Variants in CRACR2A observed in about 807,000 individuals in gnomAD.
CRACR2A encodes calcium release activated channel regulator 2A.
CRACR2A carries 79 observed loss-of-function variants against 90.5 expected under a neutral mutation model. That is an observed-to-expected ratio of 0.87 (90% CI 0.73 to 1.05). The LOEUF is 1.05. CRACR2A is among the 50% of genes least tolerant of loss of function. The probability of loss-of-function intolerance (pLI) is 0.00; values close to 1 mark genes in which losing one functional copy is unlikely to be tolerated. For synonymous variants in CRACR2A, 338 were observed against 356.7 expected, an observed-to-expected ratio of 0.95 and a Z score of 0.59; for missense variants, 823 against 897.2, an observed-to-expected ratio of 0.92 and a Z score of 1.06.
chr12:3,640,475 A>ATG (rs1944544465), intron 13 of CRACR2A: 1 of 1,166,406 alleles, frequency 8.6e-7, no homozygotes, highest in African/African-American at 1.6e-5. Flanking sequence ...ACTCAAAAGA[A>ATG]TGTCTGGTAC....
intron 2 of CRACR2A, chr12:3,729,022 A>G (rs904738951): frequency 2.5e-4 from 38 of 152,232 alleles, no homozygotes; most frequent in African/African-American, 8.2e-4. Flanking sequence ...ACACAACCCA[A>G]CGCATCCATG....
Position 3,627,456 on chromosome 12 carries a change from G to T in CRACR2A, c.1912C>A (p.Arg638=), listed in dbSNP as rs745880894. The T allele has an allele frequency of 5.8e-6, 9 of 1,551,802 alleles. No homozygotes were observed. Among genetic ancestry groups the T allele is most frequent in the African/African-American group, 2.7e-5 (2 of 73,066 alleles). The change falls in exon 17 of 20, where the codon CGG becomes AGG. Residue 638 remains arginine (R), a synonymous_variant. Transcript: ENST00000440314. ...TDKQSFLSVR[R]WLSSVEEAVG... ...CTCACCTCCACGCTGCTCAGCCACC[G>T]CCGGACCGACAGGAACGACTGCTTG...
chr12:3,654,826 C>A (rs1351296855), intron 9 of CRACR2A, among the ~76,000 whole-genome samples: 3 of 152,200 alleles, frequency 2.0e-5, no homozygotes, highest in Admixed American at 2.0e-4. Context: ...CCATCCTTCC[C>A]AATTTTGCAC....
chr12:3,722,878 G>A (rs1319180433), intron 2 of CRACR2A, among the ~76,000 whole-genome samples: 1 of 152,168 alleles, frequency 6.6e-6, no homozygotes, highest in East Asian at 1.9e-4. Context: ...AATCAGAAAT[G>A]CTTTCTCATC....
intron 7 of CRACR2A, among the ~76,000 whole-genome samples, chr12:3,669,708 C>G (rs944014904): frequency 6.6e-6 from 1 of 152,166 alleles, no homozygotes; most frequent in African/African-American, 2.4e-5. Context: ...GAGGGCTTGC[C>G]TAGCACTCAG....
intron 6 of CRACR2A, among the ~76,000 whole-genome samples, chr12:3,676,739 A>G (rs982257939): frequency 1.0e-4 from 11 of 108,630 alleles, no homozygotes; most frequent in African/African-American, 4.1e-4. Flanking sequence ...AAAGTACCAC[A>G]TCTATGGCAG....
chr12:3,743,933 G>A (rs1318557862), intron 1 of CRACR2A, among the ~76,000 whole-genome samples: 2 of 152,218 alleles, frequency 1.3e-5, no homozygotes, highest in African/African-American at 4.8e-5. Context: ...TGTGTCAGAT[G>A]CCAGAAAGAA....
chr12:3,696,665 G>T, intron 4 of CRACR2A, 107 bp downstream of exon 4: 1 of 1,479,998 alleles, frequency 6.8e-7, no homozygotes, highest in Non-Finnish European at 9.2e-7. Flanking sequence ...CAGAACTGGT[G>T]GCATCTTTTC....
intron 9 of CRACR2A, among the ~76,000 whole-genome samples, chr12:3,655,508 T>C (rs76490123): frequency 0.063 from 9,631 of 152,304 alleles, 392 homozygotes; most frequent in Middle Eastern, 0.099. Context: ...GGAAGCAATG[T>C]GTCTTGGTCT....
rs528339995 is a variant in CRACR2A at position 3,633,263 on chromosome 12, G to A, written c.1735+341C>T. On this transcript the variant is annotated intron_variant, in intron 15 of 19. Transcript: ENST00000440314. This position sits in a 1 kb window ranked among gnomAD's most constrained non-coding sequence, Gnocchi z 4.5. Reference sequence around the variant, plus strand: ...GAAGACCCAGGACCCTGCTGACAGTGGGGAGGAGTGGTCAAAAGGAGGGGG... The same window carrying A: ...GAAGACCCAGGACCCTGCTGACAGTAGGGAGGAGTGGTCAAAAGGAGGGGG... Among the ~76,000 whole-genome samples the A allele has an allele frequency of 2.7e-4, 41 of 152,120 alleles. No homozygotes were observed. Among genetic ancestry groups the A allele is most frequent in the Non-Finnish European group, 5.4e-4 (37 of 68,006 alleles).
chr12:3,713,204 C>A lies in CRACR2A; in HGVS notation c.-37+33G>T, dbSNP rs1046611014. 38 of 979,938 alleles carry A rather than the reference C, an allele frequency of 3.9e-5. No individual in the cohort carries two copies. In the African/African-American group the frequency reaches 6.3e-4, roughly 16 times the overall value. 60.7% of individuals were successfully genotyped at this position (979,938 alleles called of 1,614,324 possible). A position where few individuals can be genotyped will look rare whatever the true frequency, so the allele number is the denominator to read the frequency against. Reference sequence around the variant, plus strand: ...CTGGGGTGGGGGCAGATCTAGTACTCTGCAACCTGTCGCCTTTTGTTCGCT... The same window carrying A: ...CTGGGGTGGGGGCAGATCTAGTACTATGCAACCTGTCGCCTTTTGTTCGCT... On this transcript the variant is annotated intron_variant, in intron 3 of 19. Transcript: ENST00000440314.
intron 13 of CRACR2A, chr12:3,640,699 T>C (rs535687678): frequency 7.7e-7 from 1 of 1,305,424 alleles, no homozygotes; most frequent in South Asian, 1.2e-5. Flanking sequence ...GCATATCTTT[T>C]TCATTTCATG....
chr12:3,730,407 T>C (rs1387249698), intron 2 of CRACR2A: 1 of 152,230 alleles, frequency 6.6e-6, no homozygotes, highest in Non-Finnish European at 1.5e-5. Context: ...GTTGTCCACA[T>C]ACTAGAACTG....
At chr12:3,653,230 C>T (rs10848903) in intron 10 of CRACR2A, among the ~76,000 whole-genome samples, 52,423 of 149,364 alleles carry the variant, frequency 0.35, 10,764 homozygotes, top group Middle Eastern at 0.57. Context: ...ATCTGCCCAC[C>T]TTGGCCTCCC....
chr12:3,617,524 C>T (rs932189143), intron 18 of CRACR2A, among the ~76,000 whole-genome samples: 1 of 152,162 alleles, frequency 6.6e-6, no homozygotes, highest in African/African-American at 2.4e-5. Context: ...TTCCATAGGC[C>T]TTGGGGACAG....
chr12:3,627,012 T>C (rs1044440583), intron 17 of CRACR2A, among the ~76,000 whole-genome samples: 1 of 152,064 alleles, frequency 6.6e-6, no homozygotes, highest in East Asian at 1.9e-4. Context: ...CTACTGGAGC[T>C]GGAAAGACTC....
At chr12:3,620,373 G>T (rs1378939944) in intron 17 of CRACR2A, among the ~76,000 whole-genome samples, 2 of 152,222 alleles carry the variant, frequency 1.3e-5, no homozygotes, top group Non-Finnish European at 2.9e-5. Flanking sequence ...GATAACAGAA[G>T]CTAATAAGCA....
chr12:3,731,801 C>T (rs1197181324), intron 2 of CRACR2A: 1 of 152,226 alleles, frequency 6.6e-6, no homozygotes. Context: ...CACACACACA[C>T]AGGGAGAATG....
chr12:3,655,363 C>A (rs1944882834), intron 9 of CRACR2A, among the ~76,000 whole-genome samples: 1 of 152,214 alleles, frequency 6.6e-6, no homozygotes, highest in Non-Finnish European at 1.5e-5. Context: ...GAGTAGAAAT[C>A]ATCTTGCTGC....
Sources: gnomAD v4.1 joint callset for allele counts (sites outside exome capture counted in the v4.1 genomes callset) on GRCh38, gnomAD v4.1.1 for gene constraint, Gnocchi (gnomAD v3.1) non-coding constraint, MANE v1.5 for transcripts, NCBI Gene and HGNC (gene_info 2026-07-23, HGNC 2026-07-21) for gene names.